The following MFNG variants were observed in gnomAD, a reference collection of about 807,000 sequenced individuals.
MFNG encodes beta-1,3-N-acetylglucosaminyltransferase manic fringe.
Under a neutral mutation model 34.2 loss-of-function variants are expected in MFNG, and 24 were observed. The ratio of observed to expected loss-of-function variants is 0.70; its 90% confidence interval spans 0.51 to 0.99. The LOEUF (loss-of-function observed/expected upper bound fraction) is 0.99. MFNG is among the 50% of genes least tolerant of loss of function. The probability of loss-of-function intolerance (pLI) is 0.00; values close to 1 mark genes in which losing one functional copy is unlikely to be tolerated. For synonymous variants in MFNG, 158 were observed against 179.2 expected (o/e 0.88, Z 0.94); for missense variants, 383 against 424.0 (o/e 0.90, Z 0.85).
At chr22:37,475,780 T>G (rs1922009944) in intron 5 of MFNG, among the ~76,000 whole-genome samples, 1 of 152,146 alleles carries the variant, frequency 6.6e-6, no homozygotes, top group Admixed American at 6.5e-5. Context: ...TTTTTCTAAT[T>G]CACACAAAGG....
chr22:37,477,686 G>T (rs1425650223), intron 4 of MFNG, among the ~76,000 whole-genome samples: 1 of 152,122 alleles, frequency 6.6e-6, no homozygotes, highest in Non-Finnish European at 1.5e-5. Flanking sequence ...CTGACCTCAG[G>T]TGATTCACCT....
rs1396753870 is a variant in MFNG, at chr22:37,486,117, G to C, written c.61C>G (p.Leu21Val). ...GALLTLLCMG[L>V]LCLRYHLNLS... ...TTCAAGTGGTACCGCAGACACAGGA[G>C]CCCCATGCACAGGAGGGTGAGGAGG... is the stretch of plus-strand genomic sequence containing the variant. Residue 21 changes from leucine (L) to valine (V), a missense_variant, in exon 1 of 8, where the codon CTC becomes GTC. Leu to Val is a conservative substitution (Grantham distance 32, BLOSUM62 1). Transcript: ENST00000356998. 1 of 1,611,228 alleles carries C rather than the reference G, an allele frequency of 6.2e-7. No individual in the cohort carries two copies. The highest frequency in any genetic ancestry group is 8.5e-7 in the Non-Finnish European group (1 of 1,178,228).
chr22:37,474,427 CA>C, intron 6 of MFNG, 84 bp downstream of exon 6: 1 of 1,491,904 alleles, frequency 6.7e-7, no homozygotes, highest in Admixed American at 2.1e-5. Context: ...AGGTTTCTTT[CA>C]AACGCCAGGA....
chr22:37,479,421 G>T lies in MFNG; in HGVS notation c.485C>A (p.Ala162Asp). The change falls in exon 4 of 8, where the codon GCC (alanine) becomes GAC (aspartate). Residue 162 changes from alanine (A) to aspartate (D), a missense_variant. Transcript: ENST00000356998. ...GGGCCTTCCCACATAGACGTCGCGG[G>T]CCAGCGGGAAGGCTCTCAGAAGCTG... ...LLQLLRAFPL[A>D]RDVYVGRPSL... The T allele has an allele frequency of 6.2e-7, 1 of 1,609,560 alleles. No individual in the cohort carries two copies. The highest frequency in any genetic ancestry group is 8.5e-7 in the Non-Finnish European group (1 of 1,178,028).
At position 37,482,901 on chromosome 22, in the gene MFNG, C is replaced by A. The variant is rs1714627208; in HGVS notation, c.256-2132G>T. On this transcript the variant is annotated intron_variant, in intron 1 of 7. Transcript: ENST00000356998. This position sits in a 1 kb window ranked among gnomAD's most constrained non-coding sequence, Gnocchi z 4.1. Reference sequence around the variant, plus strand: ...AAATGGTGGTGGTCCAAGCCTAGACCCTGGTCCGCTTCTCCATGAAGCCCA... The same window carrying A: ...AAATGGTGGTGGTCCAAGCCTAGACACTGGTCCGCTTCTCCATGAAGCCCA... 6.6e-6 allele frequency among the ~76,000 whole-genome samples: 1 copy of A among 152,188 alleles called. No homozygotes were observed. Among genetic ancestry groups the A allele is most frequent in the Admixed American group, 6.5e-5 (1 of 15,276 alleles).
chr22:37,480,861 C>T lies in MFNG; in HGVS notation c.256-92G>A, dbSNP rs1473948068. ...CCACCACCACCAGGCCCCAGATGGA[C>T]TCTGTACTCCTCCAGTGACAGACAC... On this transcript the variant is annotated intron_variant, in intron 1 of 7. Coordinates refer to ENST00000356998, the MANE Select transcript of MFNG (RefSeq NM_002405.4). The T allele has an allele frequency of 2.8e-6, 3 of 1,067,964 alleles. No homozygotes were observed. The African/African-American group carries it at 4.7e-5, about 17-fold the overall frequency. The allele number at this position is 1,067,964 out of a possible 1,614,324, so 66.2% of individuals were successfully genotyped here.
At chr22:37,480,124 A>T in intron 3 of MFNG, 73 bp downstream of exon 3, 1 of 1,226,722 alleles carries the variant, frequency 8.2e-7, no homozygotes, top group Admixed American at 2.0e-5. Flanking sequence ...CTGAAGTCAG[A>T]CCCCAGGAGT....
At chr22:37,477,109 T>C (rs1922078301) in intron 4 of MFNG, 128 bp from the exon 5 acceptor site, 1 of 745,222 alleles carries the variant, frequency 1.3e-6, no homozygotes, top group South Asian at 1.6e-5. Flanking sequence ...CTCACTAGAG[T>C]CTTGCTACAA....
intron 4 of MFNG, among the ~76,000 whole-genome samples, chr22:37,478,537 T>C (rs997884567): frequency 6.6e-6 from 1 of 151,576 alleles, no homozygotes; most frequent in African/African-American, 2.4e-5. Context: ...CAGAGCCCCC[T>C]GTTTTGCCAG....
In MFNG at chr22:37,479,473, T is replaced by C; in HGVS notation, c.433A>G (p.Asn145Asp). The C allele has an allele frequency of 6.2e-7, 1 of 1,610,856 alleles. No homozygotes were observed. The highest frequency in any genetic ancestry group is 8.5e-7 in the Non-Finnish European group (1 of 1,178,660). ...LRWFCHVDDDNYVNPRALLQL... is the reference protein window; with the variant it reads ...LRWFCHVDDDDYVNPRALLQL... ...AGCAGCGCCCTTGGGTTCACATAGT[T>C]GTCATCGTCCACATGGCAGAACCAC... The change falls in exon 4 of 8, where the codon AAC becomes GAC. Residue 145 changes from asparagine to aspartate, a missense_variant. Transcript: ENST00000356998.
At chr22:37,472,926 G>C (rs1025910646) in intron 6 of MFNG, among the ~76,000 whole-genome samples, 8 of 152,196 alleles carry the variant, frequency 5.3e-5, no homozygotes, top group African/African-American at 1.7e-4. Flanking sequence ...CCACCAGGCA[G>C]TGACGACATG....
chr22:37,474,418 G>T, intron 6 of MFNG, 94 bp downstream of exon 6: 1 of 1,427,478 alleles, frequency 7.0e-7, no homozygotes, highest in Non-Finnish European at 9.6e-7. Context: ...TGGAGTTCCA[G>T]GTTTCTTTCA....
At chr22:37,470,762 A>G (rs776114585) in intron 7 of MFNG, among the ~76,000 whole-genome samples, 7 of 152,206 alleles carry the variant, frequency 4.6e-5, no homozygotes, top group Non-Finnish European at 8.8e-5. Flanking sequence ...ACAAGCGTCC[A>G]GACAGAGCCT....
chr22:37,480,835 C>T, intron 1 of MFNG, 66 bp from the exon 2 acceptor site: 2 of 1,407,658 alleles, frequency 1.4e-6, no homozygotes, highest in East Asian at 4.6e-5. Flanking sequence ...CAATCCACAG[C>T]CCACCACCAC....
chr22:37,470,606 C>T (rs1257617147), intron 7 of MFNG, among the ~76,000 whole-genome samples: 1 of 152,210 alleles, frequency 6.6e-6, no homozygotes, highest in East Asian at 1.9e-4. Context: ...GTTCCTATAT[C>T]GAGCCAAATT....
chr22:37,486,242 G>A lies in MFNG; in HGVS notation c.-65C>T. The A allele has an allele frequency of 1.4e-6, 2 of 1,440,066 alleles. No homozygotes were observed. The highest frequency in any genetic ancestry group is 1.8e-6 in the Non-Finnish European group (2 of 1,095,934). The allele number at this position is 1,440,066 out of a possible 1,614,324, so 89.2% of individuals were successfully genotyped here. On this transcript the variant is annotated 5_prime_UTR_variant, in exon 1 of 8. An upstream open reading frame in the 5' UTR gains an earlier in-frame stop. Transcript: ENST00000356998. The stretch of plus-strand genomic sequence containing the variant: ...CCCAACCAGACAGGGAGGGGAAGCT[G>A]GTCAGGCAGGGGCTCCAGCAGAGGC...
intron 4 of MFNG, among the ~76,000 whole-genome samples, chr22:37,478,552 C>CG (rs2145733043): frequency 6.6e-6 from 1 of 152,166 alleles, no homozygotes; most frequent in Non-Finnish European, 1.5e-5. Flanking sequence ...TGCCAGGTGT[C>CG]GACTCTTCAG....
intron 1 of MFNG, chr22:37,481,012 G>A: frequency 1.9e-6 from 1 of 536,882 alleles, no homozygotes; most frequent in South Asian, 2.3e-5. Context: ...CCCCTTTCCA[G>A]AGCAGCACCA....
rs556617360 is a variant in MFNG, at chr22:37,478,765, G to A, written c.561+580C>T. Among the ~76,000 whole-genome samples, 24 of 151,726 alleles carry A rather than the reference G, an allele frequency of 1.6e-4. No homozygotes were observed. In the East Asian group the frequency reaches 4.1e-3, roughly 26 times the overall value. ...ACAATCTCAGCTCACTGCAACCTCC[G>A]CCTCCTGGGTTCAAGCGATTCTCCT... On this transcript the variant is annotated intron_variant, in intron 4 of 7. Coordinates refer to ENST00000356998, the MANE Select transcript of MFNG (RefSeq NM_002405.4).
Sources: gnomAD v4.1 joint callset for allele counts (sites outside exome capture counted in the v4.1 genomes callset) on GRCh38, gnomAD v4.1.1 for gene constraint, Gnocchi (gnomAD v3.1) non-coding constraint, MANE v1.5 for transcripts, NCBI Gene and HGNC (gene_info 2026-07-23, HGNC 2026-07-21) for gene names.